The following GDF6 variants were observed in gnomAD, a reference collection of about 807,000 sequenced individuals.
GDF6 encodes the protein growth/differentiation factor 6.
GDF6 carries 3 observed loss-of-function variants against 32.4 expected under a neutral mutation model. The observed-to-expected ratio is 0.09, with a 90% CI of 0.04 to 0.24. The LOEUF is 0.24. GDF6 is among the 10% of genes least tolerant of loss of function. The pLI, the probability that GDF6 is intolerant of heterozygous loss-of-function variation, is 1.00. For missense variants in GDF6, 589 were observed against 637.9 expected (o/e 0.92, Z 0.83); for synonymous variants, 296 against 295.3 (o/e 1.00, Z -0.03).
At position 96,145,344 on chromosome 8, in the gene GDF6, A is replaced by T. The variant is rs771710004; in HGVS notation, c.587T>A (p.Leu196Gln). The T allele has an allele frequency of 5.8e-6, 9 of 1,545,208 alleles. No homozygotes were observed. Among genetic ancestry groups the T allele is most frequent in the Non-Finnish European group, 6.9e-6 (8 of 1,152,052 alleles). ...VQLFPCLSPL[L>Q]LDARTLDPQG... Reference sequence around the variant, plus strand: ...CGGGTCCAGGGTCCGCGCGTCCAGCAGTAGGGGCGAAAGGCAAGGGAAGAG... The same window carrying T: ...CGGGTCCAGGGTCCGCGCGTCCAGCTGTAGGGGCGAAAGGCAAGGGAAGAG... Residue 196 changes from leucine (L) to glutamine (Q), a missense_variant, in exon 2 of 2, where the codon CTG becomes CAG. Around this residue, in one of 2 missense-constraint regions of GDF6, gnomAD observed 436 missense variants for 411.2 expected, o/e 1.06. Transcript: ENST00000287020. The surrounding 1 kb of genome is among the most constrained non-coding windows in gnomAD (Gnocchi z 5.6).
rs1812611333 is a variant in GDF6, at chr8:96,153,794, A to G, written c.406+6493T>C. On this transcript the variant is annotated intron_variant, in intron 1 of 1. Transcript: ENST00000287020. ...TCGCGGGGAGGATATTGGACTCAGC[A>G]CCCAGGGGTCCTGCGCAGGAGAAAC... Among the ~76,000 whole-genome samples the G allele has an allele frequency of 3.3e-5, 5 of 152,128 alleles. No individual in the cohort carries two copies. In the South Asian group the frequency reaches 1.0e-3, roughly 32 times the overall value.
intron 1 of GDF6, among the ~76,000 whole-genome samples, chr8:96,159,141 T>C (rs1443002370): frequency 6.6e-6 from 1 of 152,218 alleles, no homozygotes; most frequent in Non-Finnish European, 1.5e-5. Context: ...GTCAAAGTCA[T>C]GGAGCTAAGT....
In GDF6 at chr8:96,144,276, G is replaced by A; in HGVS notation, c.*287C>T. On this transcript the variant is annotated 3_prime_UTR_variant, in exon 2 of 2. Coordinates refer to ENST00000287020, the MANE Select transcript of GDF6 (RefSeq NM_001001557.4). This position sits in a 1 kb window ranked among gnomAD's most constrained non-coding sequence, Gnocchi z 5.1. ...AGAGAGAGAGAGAGAGAGAGAGAGA[G>A]AGAGAGAGAGAGAGAAAACAGAACA... The A allele has an allele frequency of 2.1e-6, 1 of 472,002 alleles. No individual in the cohort carries two copies. The allele number at this position is 472,002 out of a possible 1,614,324, so 29.2% of individuals were successfully genotyped here.
chr8:96,158,832 C>A (rs1235343880), intron 1 of GDF6, among the ~76,000 whole-genome samples: 2 of 152,140 alleles, frequency 1.3e-5, no homozygotes, highest in East Asian at 3.9e-4. Context: ...CTTTAGTAGC[C>A]CTAAAATCAT....
Position 96,143,548 on chromosome 8 carries a change from A to G in GDF6, c.*1015T>C, listed in dbSNP as rs1180301484. 1 of 152,566 alleles carries G rather than the reference A, an allele frequency of 6.6e-6. No individual in the cohort carries two copies. Among genetic ancestry groups the G allele is most frequent in the Non-Finnish European group, 1.5e-5 (1 of 68,040 alleles). 9.5% of individuals were successfully genotyped at this position (152,566 alleles called of 1,614,324 possible). On this transcript the variant is annotated 3_prime_UTR_variant, in exon 2 of 2. Transcript: ENST00000287020. Reference sequence around the variant, plus strand: ...TCCCCACTCCTGCCCATTTTTTTGAACTGGAAAATCACCTTCCCCTTAGAA... The same window carrying G: ...TCCCCACTCCTGCCCATTTTTTTGAGCTGGAAAATCACCTTCCCCTTAGAA...
chr8:96,149,646 A>T (rs1446046599), intron 1 of GDF6, among the ~76,000 whole-genome samples: 1 of 152,212 alleles, frequency 6.6e-6, no homozygotes, highest in Non-Finnish European at 1.5e-5. Flanking sequence ...AATATAAGGT[A>T]AAAAATAAAA....
rs1586126556 is a variant in GDF6 at position 96,160,540 on chromosome 8, C to T, written c.153G>A (p.Met51Ile). ...KGMRSRKEGK[M>I]QRAPRDSDAG... ...CGTCACTGTCGCGCGGCGCCCGCTG[C>T]ATCTTGCCTTCCTTGCGGCTTCGCA... is the stretch of plus-strand genomic sequence containing the variant. Residue 51 changes from methionine to isoleucine, a missense_variant, in exon 1 of 2, where the codon ATG becomes ATA. Physicochemically the swap from Met to Ile is conservative, Grantham distance 10. Transcript: ENST00000287020. 1 of 1,613,594 alleles carries T rather than the reference C, an allele frequency of 6.2e-7. No homozygotes were observed. The highest frequency in any genetic ancestry group is 2.2e-5 in the East Asian group (1 of 44,846).
chr8:96,158,300 C>G (rs1241292456), intron 1 of GDF6, among the ~76,000 whole-genome samples: 1 of 152,186 alleles, frequency 6.6e-6, no homozygotes, highest in African/African-American at 2.4e-5. Flanking sequence ...CGGGGGCATA[C>G]AGCGCAGTGG....
chr8:96,160,166 A>G, intron 1 of GDF6, 121 bp downstream of exon 1: 1 of 1,050,398 alleles, frequency 9.5e-7, no homozygotes, highest in East Asian at 2.4e-5. Flanking sequence ...CAATTTAAGA[A>G]AAGTAAAAAG....
At position 96,145,114 on chromosome 8, in the gene GDF6, G is replaced by T. The variant is rs780167779; in HGVS notation, c.817C>A (p.Gln273Lys). The T allele has an allele frequency of 1.8e-5, 28 of 1,524,632 alleles. No individual in the cohort carries two copies. The highest frequency in any genetic ancestry group is 2.3e-5 in the Non-Finnish European group (26 of 1,145,584). The allele number at this position is 1,524,632 out of a possible 1,614,324, so 94.4% of individuals were successfully genotyped here. Residue 273 changes from glutamine (Q) to lysine (K), a missense_variant, in exon 2 of 2, where the codon CAG becomes AAG. Physicochemically the swap from Gln to Lys is moderately conservative, Grantham distance 53. This residue lies in a region of GDF6 where 436 missense variants were observed against 411.2 expected (regional missense o/e 1.06). Coordinates refer to ENST00000287020, the MANE Select transcript of GDF6 (RefSeq NM_001001557.4). This position sits in a 1 kb window ranked among gnomAD's most constrained non-coding sequence, Gnocchi z 5.6. ...LGFGRRVRPP[Q>K]ERALLVVFTR... is the part of the protein sequence containing the mutation. Reference sequence around the variant, plus strand: ...AATACCACCAGCAGGGCCCGCTCCTGGGGAGGCCGCACCCTCCGGCCGAAG... The same window carrying T: ...AATACCACCAGCAGGGCCCGCTCCTTGGGAGGCCGCACCCTCCGGCCGAAG...
intron 1 of GDF6, among the ~76,000 whole-genome samples, chr8:96,156,433 T>C (rs1356224519): frequency 4.6e-5 from 7 of 151,704 alleles, no homozygotes; most frequent in Admixed American, 6.6e-5. Context: ...TCTCTGTCTC[T>C]CTCTTTTCCT....
chr8:96,146,932 A>G (rs1368326202), intron 1 of GDF6, among the ~76,000 whole-genome samples: 1 of 152,232 alleles, frequency 6.6e-6, no homozygotes, highest in Non-Finnish European at 1.5e-5. Context: ...ACATTTGTGC[A>G]TGAAGCCAAC....
At chr8:96,147,127 G>T (rs1378242854) in intron 1 of GDF6, among the ~76,000 whole-genome samples, 1 of 152,166 alleles carries the variant, frequency 6.6e-6, no homozygotes, top group African/African-American at 2.4e-5. Flanking sequence ...CTCTCTACCA[G>T]TCCAGATGTA....
rs372946584 is a variant in GDF6 at position 96,160,574 on chromosome 8, G to A, written c.119C>T (p.Thr40Ile). 1.2e-6 allele frequency: 2 copies of A among 1,613,582 alleles called. No homozygotes were observed. Among genetic ancestry groups the A allele is most frequent in the African/African-American group, 1.3e-5 (1 of 74,938 alleles). Reference sequence around the variant, plus strand: ...TTCCTTGCGGCTTCGCATGCCCTTGGTGGAACCCAGCTCGGCGGACGACGA... The same window carrying A: ...TTCCTTGCGGCTTCGCATGCCCTTGATGGAACCCAGCTCGGCGGACGACGA... Reference protein sequence around the residue: ...SSSSSAELGSTKGMRSRKEGK... With the variant: ...SSSSSAELGSIKGMRSRKEGK... Residue 40 changes from threonine to isoleucine, a missense_variant, in exon 1 of 2, where the codon ACC becomes ATC. Coordinates refer to ENST00000287020, the MANE Select transcript of GDF6 (RefSeq NM_001001557.4).
intron 1 of GDF6, among the ~76,000 whole-genome samples, chr8:96,159,180 C>T (rs1276807385): frequency 6.6e-6 from 1 of 152,172 alleles, no homozygotes; most frequent in Non-Finnish European, 1.5e-5. Flanking sequence ...TGGATATCTG[C>T]CTAAATCGCT....
chr8:96,147,706 T>C (rs1812507297), intron 1 of GDF6, among the ~76,000 whole-genome samples: 1 of 152,238 alleles, frequency 6.6e-6, no homozygotes, highest in Non-Finnish European at 1.5e-5. Context: ...AATTCAGAGT[T>C]GGAGCATTTA....
At position 96,142,562 on chromosome 8, in the gene GDF6, T is replaced by C. The variant is rs36028712; in HGVS notation, c.*2001A>G. 10,705 of 152,694 alleles carry C rather than the reference T, an allele frequency of 0.07. 466 individuals carry two copies. Among genetic ancestry groups the C allele is most frequent in the African/African-American group, 0.11 (4,366 of 41,534 alleles). 9.5% of individuals were successfully genotyped at this position (152,694 alleles called of 1,614,324 possible). On this transcript the variant is annotated 3_prime_UTR_variant, in exon 2 of 2. Coordinates refer to ENST00000287020, the MANE Select transcript of GDF6 (RefSeq NM_001001557.4). ...CATTATGAAAAAATGAAATATCTGATTAATGCTTAACTTTGTACAACTCGA... is the reference window on the plus strand; with the variant it reads ...CATTATGAAAAAATGAAATATCTGACTAATGCTTAACTTTGTACAACTCGA...
rs1812477737 is a variant in GDF6 at position 96,145,894 on chromosome 8, G to C, written c.407-370C>G. Among the ~76,000 whole-genome samples the C allele has an allele frequency of 1.3e-5, 2 of 152,214 alleles. No homozygotes were observed. The highest frequency in any genetic ancestry group is 1.5e-5 in the Non-Finnish European group (1 of 68,030). On this transcript the variant is annotated intron_variant, in intron 1 of 1. Coordinates refer to ENST00000287020, the MANE Select transcript of GDF6 (RefSeq NM_001001557.4). This position sits in a 1 kb window ranked among gnomAD's most constrained non-coding sequence, Gnocchi z 5.6. ...TTCCCCTAGACCTCCTCTGGGCTGGGCTGGCTCGTTCTCGTTGACGTCTCA... is the reference window on the plus strand; with the variant it reads ...TTCCCCTAGACCTCCTCTGGGCTGGCCTGGCTCGTTCTCGTTGACGTCTCA...
chr8:96,153,754 C>T lies in GDF6; in HGVS notation c.406+6533G>A, dbSNP rs145427850. On this transcript the variant is annotated intron_variant, in intron 1 of 1. Transcript: ENST00000287020. ...GAGCTTGCAGGTGGGGGCGAGGGTT[C>T]AAACTGGCTTGTAGTCGCGGGGAGG... Among the ~76,000 whole-genome samples the T allele has an allele frequency of 1.5e-3, 236 of 152,268 alleles. 2 individuals are homozygous for T. The highest frequency in any genetic ancestry group is 3.4e-3 in the Middle Eastern group (1 of 294).
Sources: allele counts gnomAD v4.1 joint callset (sites outside exome capture counted in the v4.1 genomes callset), GRCh38; gene constraint gnomAD v4.1.1; regional missense constraint gnomAD v4.1.1; non-coding constraint Gnocchi (gnomAD v3.1); transcripts MANE v1.5; gene names NCBI Gene and HGNC (gene_info 2026-07-23, HGNC 2026-07-21).